HMG20A: variants seen among roughly 807,000 people sequenced by gnomAD.
HMG20A encodes the protein high mobility group protein 20A.
HMG20A carries 17 observed loss-of-function variants against 43.9 expected under a neutral mutation model. The ratio of observed to expected loss-of-function variants is 0.39; its 90% confidence interval spans 0.27 to 0.58. The LOEUF is 0.58. HMG20A is among the 20% of genes least tolerant of loss of function. The pLI, the probability that HMG20A is intolerant of heterozygous loss-of-function variation, is 0.59. For synonymous variants in HMG20A, 132 were observed against 147.5 expected, an observed-to-expected ratio of 0.89 and a Z score of 0.76; for missense variants, 341 against 438.2, an observed-to-expected ratio of 0.78 and a Z score of 1.98.
intron 1 of HMG20A, among the ~76,000 whole-genome samples, chr15:77,434,800 A>G (rs942851677): frequency 2.0e-5 from 3 of 151,822 alleles, no homozygotes; most frequent in African/African-American, 7.3e-5. Flanking sequence ...AGGTGTGTGT[A>G]TTTTTACAGC....
intron 1 of HMG20A, among the ~76,000 whole-genome samples, chr15:77,448,610 T>A (rs1351900335): frequency 6.6e-6 from 1 of 152,208 alleles, no homozygotes; most frequent in Non-Finnish European, 1.5e-5. Context: ...TTATTTTATC[T>A]TGTTTTTTGT....
intron 2 of HMG20A, 94 bp downstream of exon 2, chr15:77,458,590 A>G (rs929194440): frequency 4.4e-5 from 34 of 774,414 alleles, no homozygotes; most frequent in Middle Eastern, 2.4e-4. Flanking sequence ...GTTTTATATC[A>G]TAAGAATAGA....
chr15:77,421,385 C>A (rs2142251361), intron 1 of HMG20A, among the ~76,000 whole-genome samples: 1 of 152,324 alleles, frequency 6.6e-6, no homozygotes, highest in Middle Eastern at 3.4e-3. Context: ...GAGTTTGCTT[C>A]CACGTGGAAT....
chr15:77,477,488 C>A, intron 6 of HMG20A, 67 bp from the exon 7 acceptor site: 1 of 1,113,652 alleles, frequency 9.0e-7, no homozygotes, highest in South Asian at 1.3e-5. Context: ...TGATCATTGT[C>A]TTCAGGCACT....
the HMG20A span, among the ~76,000 whole-genome samples, chr15:77,495,792 T>C: frequency 1.3e-5 from 2 of 152,092 alleles, no homozygotes; most frequent in African/African-American, 4.8e-5. Flanking sequence ...TAGTTTTTCA[T>C]CCCCTAGAAG....
At chr15:77,475,511 A>G (rs988715473) in intron 6 of HMG20A, among the ~76,000 whole-genome samples, 5 of 152,234 alleles carry the variant, frequency 3.3e-5, no homozygotes, top group Non-Finnish European at 7.3e-5. Flanking sequence ...TACCATGGTA[A>G]TGGGAGCCAA....
chr15:77,449,817 CCATAGTTTA>C (rs1251130403), intron 1 of HMG20A, among the ~76,000 whole-genome samples: 30 of 152,148 alleles, frequency 2.0e-4, no homozygotes, highest in African/African-American at 2.4e-5. Flanking sequence ...CACATAATCA[CCATAGTTTA>C]CATAGTGTCC....
downstream of HMG20A, among the ~76,000 whole-genome samples, chr15:77,486,254 G>C (rs772484444): frequency 6.9e-6 from 1 of 145,420 alleles, no homozygotes; most frequent in African/African-American, 2.5e-5. Flanking sequence ...GTGCTTAAAT[G>C]CTTGCTTTTT....
At chr15:77,430,199 C>T (rs1404319329) in intron 1 of HMG20A, among the ~76,000 whole-genome samples, 1 of 152,218 alleles carries the variant, frequency 6.6e-6, no homozygotes, top group African/African-American at 2.4e-5. Flanking sequence ...CACATCCTCA[C>T]AGTAACCTCA....
the HMG20A span, among the ~76,000 whole-genome samples, chr15:77,495,441 C>A: frequency 1.3e-5 from 2 of 152,020 alleles, no homozygotes; most frequent in Non-Finnish European, 2.9e-5. Context: ...CCCAGCTACT[C>A]GGGAGGCTGA....
At chr15:77,438,749 C>G (rs556394774) in intron 1 of HMG20A, among the ~76,000 whole-genome samples, 1 of 152,224 alleles carries the variant, frequency 6.6e-6, no homozygotes, top group South Asian at 2.1e-4. Flanking sequence ...TGTTTACTAC[C>G]AATTTTAAAC....
At chr15:77,471,913 T>C (rs1226327286) in intron 6 of HMG20A, 99 bp downstream of exon 6, 2 of 655,100 alleles carry the variant, frequency 3.1e-6, no homozygotes, top group African/African-American at 3.8e-5. Flanking sequence ...AATGGCAAAG[T>C]ATTTCCTATC....
chr15:77,518,890 A>T, the HMG20A span, among the ~76,000 whole-genome samples: 40,861 of 152,050 alleles, frequency 0.27, 5,854 homozygotes, highest in Non-Finnish European at 0.33. Context: ...TATTTGCATG[A>T]CTATCTGGCA....
At chr15:77,508,802 G>A in the HMG20A span, among the ~76,000 whole-genome samples, 1 of 152,366 alleles carries the variant, frequency 6.6e-6, no homozygotes, top group South Asian at 2.1e-4. Context: ...CCAGAATGCT[G>A]TAAGACTTCC....
At chr15:77,468,885 G>A (rs2072781539) in intron 4 of HMG20A, among the ~76,000 whole-genome samples, 1 of 152,076 alleles carries the variant, frequency 6.6e-6, no homozygotes, top group African/African-American at 2.4e-5. Context: ...GTCAGGTTTT[G>A]TGTTTAGTAG....
At chr15:77,514,990 C>G in the HMG20A span, among the ~76,000 whole-genome samples, 1 of 152,058 alleles carries the variant, frequency 6.6e-6, no homozygotes, top group African/African-American at 2.4e-5. Flanking sequence ...CAGGTTTTTT[C>G]CTTGAGTGAC....
chr15:77,509,632 AC>A, the HMG20A span, among the ~76,000 whole-genome samples: 4 of 149,672 alleles, frequency 2.7e-5, no homozygotes, highest in African/African-American at 9.8e-5. Context: ...CAGGCTGGGC[AC>A]AGTGGCTGAT....
the HMG20A span, among the ~76,000 whole-genome samples, chr15:77,516,742 G>A: frequency 6.6e-6 from 1 of 152,170 alleles, no homozygotes; most frequent in South Asian, 2.1e-4. Flanking sequence ...ACTTCCCAGG[G>A]GAAGAAGGGG....
chr15:77,489,939 A>C (rs1313857141), downstream of HMG20A, among the ~76,000 whole-genome samples: 2 of 152,190 alleles, frequency 1.3e-5, no homozygotes, highest in Non-Finnish European at 2.9e-5. Context: ...ATGTGAAGAG[A>C]GTTCTACACA....
Sources: allele counts gnomAD v4.1 joint callset (sites outside exome capture counted in the v4.1 genomes callset), GRCh38; gene constraint gnomAD v4.1.1; transcripts MANE v1.5; gene names NCBI Gene and HGNC (gene_info 2026-07-23, HGNC 2026-07-21).